The following CATSPERB variants were observed in gnomAD, a reference collection of about 807,000 sequenced individuals.
The protein encoded by CATSPERB is catsper channel auxiliary subunit beta.
Under a neutral mutation model 128.3 loss-of-function variants are expected in CATSPERB, and 93 were observed. The ratio of observed to expected loss-of-function variants is 0.72; its 90% confidence interval spans 0.61 to 0.86. The LOEUF is 0.86. Ranked by LOEUF, CATSPERB falls within the 40% of genes least tolerant of loss-of-function variation. The pLI is 0.00. For missense variants in CATSPERB, 1,153 were observed against 1,329.5 expected, an observed-to-expected ratio of 0.87 and a Z score of 2.06; for synonymous variants, 381 against 448.8, an observed-to-expected ratio of 0.85 and a Z score of 1.91.
rs140358546 is a variant in CATSPERB at position 91,683,631 on chromosome 14, C to T, written c.931+246G>A. Among the ~76,000 whole-genome samples the T allele has an allele frequency of 7.4e-3, 1,133 of 152,166 alleles. 15 individuals carry two copies. Among genetic ancestry groups the T allele is most frequent in the African/African-American group, 0.026 (1,071 of 41,502 alleles). Reference sequence around the variant, plus strand: ...GGAGGTTAGTCTACAACCTGGCCATCGTGAAGATGACACTAGCCTATGTTC... The same window carrying T: ...GGAGGTTAGTCTACAACCTGGCCATTGTGAAGATGACACTAGCCTATGTTC... On this transcript the variant is annotated intron_variant, in intron 11 of 26. Transcript: ENST00000256343.
intron 1 of CATSPERB, 56 bp from the exon 2 acceptor site, chr14:91,729,535 C>A: frequency 1.1e-6 from 1 of 940,184 alleles, no homozygotes. Context: ...TTTTTGAATT[C>A]CTTTTGCTAT....
chr14:91,599,666 T>C (rs1180434592), intron 22 of CATSPERB, among the ~76,000 whole-genome samples: 1 of 152,066 alleles, frequency 6.6e-6, no homozygotes, highest in Non-Finnish European at 1.5e-5. Flanking sequence ...CTTGGTTTTA[T>C]ACGTTTAGGG....
chr14:91,582,996 G>A (rs568515364), intron 26 of CATSPERB, among the ~76,000 whole-genome samples: 8 of 152,310 alleles, frequency 5.3e-5, no homozygotes, highest in East Asian at 3.9e-4. Context: ...GGAGGTCCCC[G>A]GTTGGCAAAG....
chr14:91,612,665 C>T (rs979397445), intron 20 of CATSPERB, among the ~76,000 whole-genome samples: 2 of 152,050 alleles, frequency 1.3e-5, no homozygotes, highest in Non-Finnish European at 2.9e-5. Context: ...TACTAATAAA[C>T]GTAGTGATAT....
chr14:91,656,026 A>G (rs1595166866), intron 15 of CATSPERB, among the ~76,000 whole-genome samples: 1 of 151,218 alleles, frequency 6.6e-6, no homozygotes, highest in South Asian at 2.1e-4. Flanking sequence ...ACAGGCCAGG[A>G]AAAAGTGGCA....
intron 25 of CATSPERB, among the ~76,000 whole-genome samples, chr14:91,587,477 C>CTTTTTTTTTTTTTTTTTTTTTTTTTTT (rs3029803): frequency 2.0e-5 from 2 of 101,544 alleles, no homozygotes; most frequent in African/African-American, 3.8e-5. Flanking sequence ...ATAGCTGATA[C>CTTTTTTTTTTTTTTTTTTTTTTTTTTT]TTTTTTTTTT....
chr14:91,674,120 G>T, intron 12 of CATSPERB, 56 bp downstream of exon 12: 1 of 972,844 alleles, frequency 1.0e-6, no homozygotes, highest in Non-Finnish European at 1.6e-6. Context: ...CCCAATCCAT[G>T]AAGTCCCCAA....
intron 26 of CATSPERB, among the ~76,000 whole-genome samples, chr14:91,583,436 C>G (rs939331565): frequency 6.6e-5 from 10 of 152,046 alleles, no homozygotes; most frequent in Non-Finnish European, 1.5e-4. Context: ...AAAATTTTCA[C>G]TTGCTTATTT....
intron 9 of CATSPERB, among the ~76,000 whole-genome samples, chr14:91,692,344 G>A (rs575150897): frequency 9.9e-5 from 15 of 152,078 alleles, no homozygotes; most frequent in African/African-American, 2.7e-4. Context: ...TACAATCCCC[G>A]TCTACTTCTC....
At chr14:91,646,320 A>G (rs1008631567) in intron 15 of CATSPERB, 1 of 152,374 alleles carries the variant, frequency 6.6e-6, no homozygotes, top group Non-Finnish European at 1.5e-5. Context: ...ATATATGTAG[A>G]CTCCATCCAC....
intron 15 of CATSPERB, among the ~76,000 whole-genome samples, chr14:91,645,774 A>C (rs959955595): frequency 2.7e-5 from 4 of 146,998 alleles, no homozygotes; most frequent in Non-Finnish European, 4.5e-5. Context: ...TACCTAAGCA[A>C]GCCTGGGCAA....
At chr14:91,715,352 A>G (rs1895919108) in intron 5 of CATSPERB, among the ~76,000 whole-genome samples, 1 of 152,022 alleles carries the variant, frequency 6.6e-6, no homozygotes, top group Admixed American at 6.6e-5. Context: ...ACCTGAGGTT[A>G]GGACTTTGAG....
chr14:91,614,124 G>A (rs1354128228), intron 20 of CATSPERB, among the ~76,000 whole-genome samples: 7 of 152,070 alleles, frequency 4.6e-5, no homozygotes, highest in South Asian at 2.1e-4. Flanking sequence ...TGAGGACCCC[G>A]CACCCCTCCT....
intron 21 of CATSPERB, 74 bp downstream of exon 21, chr14:91,610,406 G>T: frequency 2.5e-6 from 3 of 1,194,138 alleles, no homozygotes; most frequent in Non-Finnish European, 3.6e-6. Flanking sequence ...TGCTGAAACT[G>T]AATGGGTAGG....
Position 91,616,733 on chromosome 14 carries a change from C to CTTTT in CATSPERB, c.2400+860_2400+863dup, listed in dbSNP as rs1555360386. Among the ~76,000 whole-genome samples the CTTTT allele has an allele frequency of 1.8e-3, 153 of 84,522 alleles. 1 individual carries two copies. Among genetic ancestry groups the CTTTT allele is most frequent in the Non-Finnish European group, 2.4e-3 (109 of 44,668 alleles). The allele number at this position is 84,522 out of a possible 152,430, so 55.4% of individuals were successfully genotyped here. On this transcript the variant is annotated intron_variant, in intron 20 of 26. Coordinates refer to ENST00000256343, the MANE Select transcript of CATSPERB (RefSeq NM_024764.4). Reference sequence around the variant, plus strand: ...ATTTCTTATTATTTAAAGTATTCCCCTTTTTTTTTTTTTTTTTTTTTTTTT... The same window carrying CTTTT: ...ATTTCTTATTATTTAAAGTATTCCCCTTTTTTTTTTTTTTTTTTTTTTTTTTTTT...
rs145712530 is a variant in CATSPERB, at chr14:91,711,466, A to G, written c.371-3230T>C. Among the ~76,000 whole-genome samples, 789 of 152,274 alleles carry G rather than the reference A, an allele frequency of 5.2e-3. 7 individuals carry two copies. The highest frequency in any genetic ancestry group is 0.018 in the African/African-American group (737 of 41,532). Reference sequence around the variant, plus strand: ...GGCTGGTCTTGAACTCCTGACTTCAAGTGATCTGCCCACCTTGACCTCCCA... The same window carrying G: ...GGCTGGTCTTGAACTCCTGACTTCAGGTGATCTGCCCACCTTGACCTCCCA... On this transcript the variant is annotated intron_variant, in intron 5 of 26. Coordinates refer to ENST00000256343, the MANE Select transcript of CATSPERB (RefSeq NM_024764.4).
chr14:91,698,120 T>G (rs914006559), intron 7 of CATSPERB, among the ~76,000 whole-genome samples: 2 of 151,820 alleles, frequency 1.3e-5, no homozygotes, highest in Non-Finnish European at 1.5e-5. Flanking sequence ...TTCCTAGGGG[T>G]GTGTGTGTGG....
At chr14:91,619,158 A>C (rs141798118) in intron 19 of CATSPERB, among the ~76,000 whole-genome samples, 63 of 152,330 alleles carry the variant, frequency 4.1e-4, no homozygotes, top group Middle Eastern at 6.8e-3. Flanking sequence ...ACAGATCCTA[A>C]AAATTCAGAA....
At position 91,656,839 on chromosome 14, in the gene CATSPERB, C is replaced by G. The variant is rs1894796924; in HGVS notation, c.1432+2998G>C. Among the ~76,000 whole-genome samples the G allele has an allele frequency of 5.3e-5, 8 of 151,556 alleles. No homozygotes were observed. The South Asian group carries it at 1.7e-3, about 32-fold the overall frequency. On this transcript the variant is annotated intron_variant, in intron 15 of 26. Coordinates refer to ENST00000256343, the MANE Select transcript of CATSPERB (RefSeq NM_024764.4). ...AAAATATATTCCAGGCAAGTGGAAA[C>G]CAAAAGAGAGCAGAAGTCACTATAC...
Sources: gnomAD v4.1 joint callset for allele counts (sites outside exome capture counted in the v4.1 genomes callset) on GRCh38, gnomAD v4.1.1 for gene constraint, MANE v1.5 for transcripts, NCBI Gene and HGNC (gene_info 2026-07-23, HGNC 2026-07-21) for gene names.